The following SHANK2 variants were observed in gnomAD, a reference collection of about 807,000 sequenced individuals.
SHANK2 encodes SH3 and multiple ankyrin repeat domains protein 2.
Under a neutral mutation model 133.7 loss-of-function variants are expected in SHANK2, and 43 were observed. The ratio of observed to expected loss-of-function variants is 0.32; its 90% CI spans 0.25 to 0.41. The LOEUF (loss-of-function observed/expected upper bound fraction) is 0.41, where lower values mean the gene tolerates loss of function less well. Ranked by LOEUF, SHANK2 falls within the 10% of genes least tolerant of loss-of-function variation. The probability of loss-of-function intolerance (pLI) is 1.00; values close to 1 mark genes in which losing one functional copy is unlikely to be tolerated. For synonymous variants in SHANK2, 1,017 were observed against 952.8 expected, an observed-to-expected ratio of 1.07 and a Z score of -1.24; for missense variants, 1,994 against 2,235.8, an observed-to-expected ratio of 0.89 and a Z score of 2.18.
intron 17 of SHANK2, among the ~76,000 whole-genome samples, chr11:70,515,194 C>G (rs1261642263): frequency 1.3e-5 from 2 of 152,174 alleles, no homozygotes; most frequent in Non-Finnish European, 2.9e-5. Context: ...ATGCATGTCA[C>G]TATGCCTAAT....
intron 17 of SHANK2, among the ~76,000 whole-genome samples, chr11:70,533,070 C>T (rs78057600): frequency 0.021 from 3,146 of 152,116 alleles, 112 homozygotes; most frequent in African/African-American, 0.072. Flanking sequence ...GGAAAGCAGA[C>T]GTTGCCGGAG....
chr11:71,092,593 G>C lies in SHANK2; in HGVS notation c.745-4C>G. ...ATGCACCAAGCTCTAAAAGGGTCTA[G>C]GAAAAAAAAATTGAAAGCCGTCGTT... On this transcript the variant is annotated splice_polypyrimidine_tract_variant and splice_region_variant and intron_variant, in intron 7 of 25. Transcript: ENST00000601538. 6.5e-7 allele frequency: 1 copy of C among 1,549,060 alleles called. No individual in the cohort carries two copies. The highest frequency in any genetic ancestry group is 8.7e-7 in the Non-Finnish European group (1 of 1,145,356).
chr11:71,203,724 T>C (rs1192437944), intron 2 of SHANK2, among the ~76,000 whole-genome samples: 1 of 152,256 alleles, frequency 6.6e-6, no homozygotes, highest in Non-Finnish European at 1.5e-5. Context: ...TGACATCAGA[T>C]GGCCTGTGCT....
At chr11:71,193,312 G>C (rs985087967) in intron 2 of SHANK2, among the ~76,000 whole-genome samples, 2 of 152,114 alleles carry the variant, frequency 1.3e-5, no homozygotes, top group Non-Finnish European at 2.9e-5. Flanking sequence ...AATTCCAAGA[G>C]GAGTGTGTGA....
intron 8 of SHANK2, among the ~76,000 whole-genome samples, chr11:71,083,088 GA>G (rs2136010125): frequency 6.6e-6 from 1 of 152,190 alleles, no homozygotes; most frequent in African/African-American, 2.4e-5. Flanking sequence ...GGGATTACAG[GA>G]ATGTGCCACC....
intron 14 of SHANK2, among the ~76,000 whole-genome samples, chr11:70,733,220 GGGTAGAT>G (rs1291886869): frequency 6.6e-6 from 1 of 152,138 alleles, no homozygotes; most frequent in African/African-American, 2.4e-5. Flanking sequence ...AGTAGGAGTT[GGGTAGAT>G]GGACATGTGA....
chr11:71,148,690 T>A (rs1200396229), intron 2 of SHANK2, among the ~76,000 whole-genome samples: 1 of 152,230 alleles, frequency 6.6e-6, no homozygotes. Flanking sequence ...GACCCCTTGA[T>A]CAAGCTGTGG....
At chr11:70,492,270 C>T in intron 22 of SHANK2, 65 bp downstream of exon 22, 1 of 1,597,626 alleles carries the variant, frequency 6.3e-7, no homozygotes, top group Non-Finnish European at 8.5e-7. Flanking sequence ...GCTACTGAGA[C>T]AGCCCACCCA....
At chr11:71,151,023 C>T (rs574893088) in intron 2 of SHANK2, among the ~76,000 whole-genome samples, 17 of 152,210 alleles carry the variant, frequency 1.1e-4, no homozygotes, top group African/African-American at 2.9e-4. Context: ...GGCACCGAGC[C>T]GTGTGGCCCT....
At chr11:70,574,374 G>A (rs926073733) in intron 17 of SHANK2, among the ~76,000 whole-genome samples, 2 of 152,252 alleles carry the variant, frequency 1.3e-5, no homozygotes, top group Admixed American at 6.5e-5. Flanking sequence ...TCAGGGTAGG[G>A]GGTGGGGGTC....
chr11:70,779,468 C>T (rs150950445), intron 14 of SHANK2, among the ~76,000 whole-genome samples: 68 of 152,188 alleles, frequency 4.5e-4, no homozygotes, highest in African/African-American at 1.3e-3. Context: ...TTTTTAAATG[C>T]TCTAAAGATA....
chr11:70,926,507 A>C (rs2135782480), intron 10 of SHANK2, among the ~76,000 whole-genome samples: 1 of 152,284 alleles, frequency 6.6e-6, no homozygotes, highest in African/African-American at 2.4e-5. Context: ...AGTTTCTCTA[A>C]AGTGTGTTTT....
chr11:70,859,268 G>T (rs1434987639), intron 11 of SHANK2, among the ~76,000 whole-genome samples: 2 of 152,080 alleles, frequency 1.3e-5, no homozygotes, highest in African/African-American at 4.8e-5. Context: ...GTGGATGAAT[G>T]AATAAATGGA....
At chr11:70,838,637 T>C (rs1948859089) in intron 11 of SHANK2, among the ~76,000 whole-genome samples, 1 of 152,116 alleles carries the variant, frequency 6.6e-6, no homozygotes, top group Admixed American at 6.5e-5. Flanking sequence ...GGGACTCAAT[T>C]CTATACTCTA....
rs1228137197 is a variant in SHANK2, at chr11:71,227,357, G to A, written c.-112-2561C>T. Reference sequence around the variant, plus strand: ...GCTTCAAATATAATGCCATAGGTAGGATGAAAGTAAAAGGATGGAATAAGA... The same window carrying A: ...GCTTCAAATATAATGCCATAGGTAGAATGAAAGTAAAAGGATGGAATAAGA... On this transcript the variant is annotated intron_variant, in intron 1 of 25. Transcript: ENST00000601538. 8.5e-5 allele frequency among the ~76,000 whole-genome samples: 13 copies of A among 152,090 alleles called. No individual in the cohort carries two copies. In the East Asian group the frequency reaches 2.3e-3, roughly 27 times the overall value.
chr11:70,567,870 G>A (rs1475140567), intron 17 of SHANK2, among the ~76,000 whole-genome samples: 1 of 152,186 alleles, frequency 6.6e-6, no homozygotes, highest in Non-Finnish European at 1.5e-5. Context: ...CCACACCCTG[G>A]AATAGCTGCA....
In SHANK2 at chr11:70,744,682, G is replaced by A. The variant is rs971758130; in HGVS notation, c.1778-45919C>T. ...GGTGGAATTGTGATGGCTGGGGACCGAAGTGCCAGCGTTTCTCCAAGCACT... is the reference window on the plus strand; with the variant it reads ...GGTGGAATTGTGATGGCTGGGGACCAAAGTGCCAGCGTTTCTCCAAGCACT... On this transcript the variant is annotated intron_variant, in intron 14 of 25. Transcript: ENST00000601538. Among the ~76,000 whole-genome samples the A allele has an allele frequency of 4.6e-5, 7 of 152,190 alleles. No individual in the cohort carries two copies. The East Asian group carries it at 1.2e-3, about 25-fold the overall frequency.
At chr11:70,525,579 CT>C (rs1554971975) in intron 17 of SHANK2, among the ~76,000 whole-genome samples, 1 of 152,070 alleles carries the variant, frequency 6.6e-6, no homozygotes, top group Admixed American at 6.5e-5. Flanking sequence ...CAGGCTCTTT[CT>C]TTTGAAATGC....
At chr11:70,722,539 G>A (rs990169809) in intron 14 of SHANK2, among the ~76,000 whole-genome samples, 1 of 152,186 alleles carries the variant, frequency 6.6e-6, no homozygotes, top group African/African-American at 2.4e-5. Flanking sequence ...TTCATAAAAG[G>A]TATTAGCTTG....
Sources: gnomAD v4.1 joint callset for allele counts (sites outside exome capture counted in the v4.1 genomes callset) on GRCh38, gnomAD v4.1.1 for gene constraint, MANE v1.5 for transcripts, NCBI Gene and HGNC (gene_info 2026-07-23, HGNC 2026-07-21) for gene names.